DCAF6: variants seen among roughly 807,000 people sequenced by gnomAD.
The protein encoded by DCAF6 is DDB1- and CUL4-associated factor 6.
In DCAF6, 54 loss-of-function variants were observed where a neutral mutation model predicts 125.1. That is an observed-to-expected ratio of 0.43 (90% CI 0.35 to 0.54). The LOEUF is 0.54. Among genes scored for constraint, DCAF6 ranks in the 20% least tolerant of loss-of-function variants. DCAF6 has a pLI of 0.01. For synonymous variants in DCAF6, 371 were observed against 390.4 expected (o/e 0.95, Z 0.58); for missense variants, 934 against 1,161.7 (o/e 0.80, Z 2.85).
intron 2 of DCAF6, among the ~76,000 whole-genome samples, chr1:167,963,012 C>G (rs184946974): frequency 1.3e-5 from 2 of 152,138 alleles, no homozygotes; most frequent in African/African-American, 4.8e-5. Flanking sequence ...GTAATCCTAG[C>G]ACTTTGGGAG....
At chr1:167,998,725 G>C (rs142690749) in intron 7 of DCAF6, 15 of 153,320 alleles carry the variant, frequency 9.8e-5, no homozygotes, top group Middle Eastern at 9.1e-4. Context: ...CATCCATAAG[G>C]AGCAACTCCT....
intron 11 of DCAF6, among the ~76,000 whole-genome samples, chr1:168,020,863 A>G (rs1176953953): frequency 6.6e-6 from 1 of 152,138 alleles, no homozygotes; most frequent in Non-Finnish European, 1.5e-5. Context: ...AATCCTTCCC[A>G]AAGGAGTTGT....
At chr1:167,996,602 C>G (rs929011043) in intron 7 of DCAF6, among the ~76,000 whole-genome samples, 4 of 152,214 alleles carry the variant, frequency 2.6e-5, no homozygotes, top group Non-Finnish European at 5.9e-5. Context: ...TGCCGCTCTT[C>G]TCATCAACAT....
intron 1 of DCAF6, among the ~76,000 whole-genome samples, chr1:167,945,580 C>G (rs560753765): frequency 2.6e-5 from 4 of 152,322 alleles, no homozygotes; most frequent in Admixed American, 2.6e-4. Flanking sequence ...CAACCTCCGG[C>G]TCCCAGGTTC....
intron 2 of DCAF6, among the ~76,000 whole-genome samples, chr1:167,962,415 T>C (rs899269309): frequency 2.6e-5 from 4 of 152,168 alleles, no homozygotes; most frequent in Non-Finnish European, 2.9e-5. Context: ...CTATGTTGTC[T>C]TGGGGAAACT....
At chr1:167,986,273 A>G (rs748360354) in intron 4 of DCAF6, among the ~76,000 whole-genome samples, 1 of 152,114 alleles carries the variant, frequency 6.6e-6, no homozygotes, top group East Asian at 1.9e-4. Context: ...ATAGATATTG[A>G]TACATAGTTT....
chr1:167,935,892 T>G, upstream of DCAF6: 1 of 1,399,766 alleles, frequency 7.1e-7, no homozygotes, highest in Non-Finnish European at 9.9e-7. Flanking sequence ...TGTGTTCTCG[T>G]CCCTGGCTGA....
chr1:167,967,293 T>A (rs1676563389), intron 3 of DCAF6, among the ~76,000 whole-genome samples: 2 of 152,038 alleles, frequency 1.3e-5, no homozygotes. Context: ...AAGAAAAAAA[T>A]TACCATAAGC....
intron 4 of DCAF6, among the ~76,000 whole-genome samples, chr1:167,976,035 C>A (rs960911715): frequency 1.3e-5 from 2 of 152,132 alleles, no homozygotes; most frequent in Non-Finnish European, 2.9e-5. Flanking sequence ...TCCAGTCTCA[C>A]AGTTTTGGGG....
chr1:167,883,722 A>G, the DCAF6 span: 2 of 1,166,336 alleles, frequency 1.7e-6, no homozygotes, highest in East Asian at 2.4e-5. Flanking sequence ...CATCTAGGGA[A>G]TGTCTACCTC....
chr1:167,911,493 A>G, the DCAF6 span, among the ~76,000 whole-genome samples: 1 of 152,202 alleles, frequency 6.6e-6, no homozygotes, highest in Non-Finnish European at 1.5e-5. Context: ...AGCATTCCAC[A>G]AGTTACTTCC....
At chr1:167,955,325 C>T (rs1451403139) in intron 2 of DCAF6, among the ~76,000 whole-genome samples, 1 of 152,090 alleles carries the variant, frequency 6.6e-6, no homozygotes, top group Non-Finnish European at 1.5e-5. Flanking sequence ...TGGTAGGTAC[C>T]TGCTTAACTG....
At chr1:167,983,990 C>G (rs565550723) in intron 4 of DCAF6, among the ~76,000 whole-genome samples, 2 of 152,212 alleles carry the variant, frequency 1.3e-5, no homozygotes, top group East Asian at 3.9e-4. Flanking sequence ...ACAGTGGCTG[C>G]GAAGTTACTG....
upstream of DCAF6, chr1:167,935,700 G>A (rs1671120709): frequency 1.3e-6 from 2 of 1,513,208 alleles, no homozygotes; most frequent in Non-Finnish European, 1.8e-6. Flanking sequence ...CGAGAAGGAA[G>A]GTCTCGATAA....
intron 11 of DCAF6, among the ~76,000 whole-genome samples, chr1:168,022,434 G>A (rs1308209245): frequency 6.6e-6 from 1 of 152,088 alleles, no homozygotes; most frequent in Non-Finnish European, 1.5e-5. Context: ...ATATACTGTA[G>A]AGTTTTTAAA....
At position 167,954,610 on chromosome 1, in the gene DCAF6, G is replaced by A. The variant is rs1007209531; in HGVS notation, c.159+2749G>A. On this transcript the variant is annotated intron_variant, in intron 2 of 21. Transcript: ENST00000367840. Reference sequence around the variant, plus strand: ...TGGGACTACAGGCACCCACCACCAAGCGCGGCTAATTTTTGGTATTTTTAG... The same window carrying A: ...TGGGACTACAGGCACCCACCACCAAACGCGGCTAATTTTTGGTATTTTTAG... Among the ~76,000 whole-genome samples the A allele has an allele frequency of 1.2e-4, 18 of 151,894 alleles. No homozygotes were observed. In the East Asian group the frequency reaches 3.5e-3, roughly 29 times the overall value.
chr1:168,022,932 T>G, intron 11 of DCAF6, 56 bp from the exon 12 acceptor site: 2 of 1,474,124 alleles, frequency 1.4e-6, no homozygotes, highest in Admixed American at 3.4e-5. Flanking sequence ...GATCATGACA[T>G]TGCTGTGCAG....
At chr1:167,930,204 T>A in the DCAF6 span, among the ~76,000 whole-genome samples, 1 of 152,204 alleles carries the variant, frequency 6.6e-6, no homozygotes, top group African/African-American at 2.4e-5. Context: ...GGGTAGATAA[T>A]GTTTTTAAAA....
chr1:168,044,594 A>G lies in DCAF6; in HGVS notation c.1853A>G (p.Glu618Gly). ...TTTGGTTTACTTACAGAAGCTCCTG[A>G]AGAATCATCAGAGGATGTGACAAAA... ...PEGDSETKAP[E>G]ESSEDVTKYQ... Residue 618 changes from glutamate (E) to glycine (G), a missense_variant, in exon 15 of 22, where the codon GAA becomes GGA. By Grantham distance (98) the Glu-to-Gly change is moderately conservative (BLOSUM62 -2). This residue lies in a region of DCAF6 where 559 missense variants were observed against 635.5 expected (regional missense o/e 0.88). Coordinates refer to ENST00000367840, the MANE Select transcript of DCAF6 (RefSeq NM_001198956.2). 1.2e-6 allele frequency: 2 copies of G among 1,612,146 alleles called. No homozygotes were observed. The highest frequency in any genetic ancestry group is 1.7e-6 in the Non-Finnish European group (2 of 1,178,338).
Sources: gnomAD v4.1 joint callset for allele counts (sites outside exome capture counted in the v4.1 genomes callset) on GRCh38, gnomAD v4.1.1 for gene constraint, gnomAD v4.1.1 regional missense constraint, MANE v1.5 for transcripts, NCBI Gene and HGNC (gene_info 2026-07-23, HGNC 2026-07-21) for gene names.